Variants in MCUR1 observed in about 807,000 individuals in gnomAD.
The protein encoded by MCUR1 is mitochondrial calcium uniporter regulator 1, also known as MCU regulator 1.
Under a neutral mutation model 42.0 loss-of-function variants are expected in MCUR1, and 37 were observed. The ratio of observed to expected loss-of-function variants is 0.88; its 90% CI spans 0.68 to 1.16. The LOEUF (loss-of-function observed/expected upper bound fraction) is 1.16, where lower values mean the gene tolerates loss of function less well. Ranked by LOEUF, MCUR1 falls within the 50% of genes most tolerant of loss-of-function variation. MCUR1 has a pLI of 0.00. For missense variants in MCUR1, 469 were observed against 468.4 expected, an observed-to-expected ratio of 1.00 and a Z score of -0.01; for synonymous variants, 229 against 196.2, an observed-to-expected ratio of 1.17 and a Z score of -1.40.
rs142130238 is a variant in MCUR1, at chr6:13,789,379, G to T, written c.*1430C>A. On this transcript the variant is annotated 3_prime_UTR_variant, in exon 9 of 9. Transcript: ENST00000379170. ...TCACGACAATGCACTCCAGCCCTGC[G>T]ACAGTGCGAGACTCCGTCTCAAAAA... 3.3e-5 allele frequency: 5 copies of T among 150,548 alleles called. No individual in the cohort carries two copies. The highest frequency in any genetic ancestry group is 1.2e-4 in the African/African-American group (5 of 40,796). The allele number at this position is 150,548 out of a possible 1,614,324, so 9.3% of individuals were successfully genotyped here.
At chr6:13,793,772 G>T in intron 7 of MCUR1, 122 bp downstream of exon 7, 1 of 802,268 alleles carries the variant, frequency 1.2e-6, no homozygotes, top group Non-Finnish European at 2.1e-6. Context: ...TTAGCACAAT[G>T]TAAAAAATTC....
intron 7 of MCUR1, among the ~76,000 whole-genome samples, chr6:13,793,030 T>TC (rs1471569624): frequency 6.7e-6 from 1 of 148,574 alleles, no homozygotes; most frequent in Non-Finnish European, 1.5e-5. Context: ...GAGCCTGTGG[T>TC]CCCAGCTACT....
intron 1 of MCUR1, among the ~76,000 whole-genome samples, chr6:13,811,871 T>C (rs1760242992): frequency 6.6e-6 from 1 of 152,122 alleles, no homozygotes; most frequent in South Asian, 2.1e-4. Context: ...TTTTTTGTTA[T>C]TGTTGTTCTT....
In MCUR1 at chr6:13,813,321, A is replaced by G. The variant is rs1760278962; in HGVS notation, c.415+694T>C. 2.0e-5 allele frequency among the ~76,000 whole-genome samples: 3 copies of G among 152,178 alleles called. No homozygotes were observed. The South Asian group carries it at 6.2e-4, about 31-fold the overall frequency. On this transcript the variant is annotated intron_variant, in intron 1 of 8. Coordinates refer to ENST00000379170, the MANE Select transcript of MCUR1 (RefSeq NM_001031713.4). ...GATTCTGATCACCCTATTTAAATTC[A>G]CAACTGGAGACCCATTCCACTTCCC...
At chr6:13,801,417 T>G (rs1231866517) in intron 3 of MCUR1, 28 bp from the exon 4 acceptor site, 1 of 1,506,592 alleles carries the variant, frequency 6.6e-7, no homozygotes, top group Non-Finnish European at 9.2e-7. Flanking sequence ...AAACACATAA[T>G]CTAGTCTACC....
At chr6:13,796,731 C>T (rs574407349) in intron 6 of MCUR1, among the ~76,000 whole-genome samples, 1 of 152,074 alleles carries the variant, frequency 6.6e-6, no homozygotes. Context: ...ATATATCAGC[C>T]TAGTTATGTT....
intron 7 of MCUR1, among the ~76,000 whole-genome samples, chr6:13,792,418 C>T (rs1446108970): frequency 2.6e-5 from 4 of 152,146 alleles, no homozygotes; most frequent in African/African-American, 4.8e-5. Flanking sequence ...AGACAGTAAA[C>T]TCAAAAATGT....
chr6:13,794,643 T>TA (rs1330914211), intron 6 of MCUR1, among the ~76,000 whole-genome samples: 1 of 151,764 alleles, frequency 6.6e-6, no homozygotes, highest in African/African-American at 2.4e-5. Flanking sequence ...GTTGGGTTTT[T>TA]TTTTTTTTGG....
chr6:13,798,049 C>G (rs1759896320), intron 6 of MCUR1, among the ~76,000 whole-genome samples: 1 of 151,914 alleles, frequency 6.6e-6, no homozygotes, highest in African/African-American at 2.4e-5. Context: ...GAAAACAAAA[C>G]AAAATACCCT....
rs1202983128 is a variant in MCUR1 at position 13,798,857 on chromosome 6, T to C, written c.831A>G (p.Leu277=). ...VRTDTKLDFN[L]EKSRVKELYS... is the part of the protein sequence containing the mutation. ...CCAATTCTTTTACTCTGCTCTTTTC[T>C]AGGTTGAAGTCTAATTTGGTATCTG... Residue 277 remains leucine, a synonymous_variant, in exon 6 of 9, where the codon CTA becomes CTG. Coordinates refer to ENST00000379170, the MANE Select transcript of MCUR1 (RefSeq NM_001031713.4). The C allele has an allele frequency of 3.6e-5, 58 of 1,611,340 alleles. No individual in the cohort carries two copies. The East Asian group carries it at 1.3e-3, about 35-fold the overall frequency.
intron 1 of MCUR1, among the ~76,000 whole-genome samples, chr6:13,813,479 T>C (rs1760283683): frequency 6.6e-6 from 1 of 152,174 alleles, no homozygotes; most frequent in Admixed American, 6.5e-5. Context: ...TCTGCTCTGC[T>C]AGAATTAAGC....
chr6:13,798,380 G>T (rs972662869), intron 6 of MCUR1, among the ~76,000 whole-genome samples: 2 of 152,078 alleles, frequency 1.3e-5, no homozygotes, highest in Non-Finnish European at 2.9e-5. Flanking sequence ...GATTACAGGC[G>T]TGAGCTACCG....
chr6:13,801,573 G>A (rs1038130716), intron 3 of MCUR1, among the ~76,000 whole-genome samples, 184 bp from the exon 4 acceptor site: 1 of 152,144 alleles, frequency 6.6e-6, no homozygotes, highest in African/African-American at 2.4e-5. Context: ...TATCTGGCCA[G>A]GCAAGGTGGC....
chr6:13,801,350 C>T lies in MCUR1; in HGVS notation c.679G>A (p.Val227Met). ...TCCAAAATAATCATATCCTTTTTCA[C>T]ATTCGCAATCTGAGACATTACTTGC... ...FQQVMSQIANVKKDMIILEKS... is the reference protein window; with the variant it reads ...FQQVMSQIANMKKDMIILEKS... Residue 227 changes from valine to methionine, a missense_variant, in exon 4 of 9, where the codon GTG becomes ATG. Physicochemically the swap from Val to Met is conservative, Grantham distance 21. Transcript: ENST00000379170. 1 of 1,612,812 alleles carries T rather than the reference C, an allele frequency of 6.2e-7. No individual in the cohort carries two copies. The highest frequency in any genetic ancestry group is 2.2e-5 in the East Asian group (1 of 44,862).
intron 8 of MCUR1, 50 bp downstream of exon 8, chr6:13,791,828 T>C: frequency 2.3e-6 from 3 of 1,295,416 alleles, no homozygotes; most frequent in Non-Finnish European, 3.3e-6. Flanking sequence ...ACTTATTTTA[T>C]AAATTTATTT....
intron 7 of MCUR1, among the ~76,000 whole-genome samples, 182 bp from the exon 8 acceptor site, chr6:13,792,174 C>G (rs555493043): frequency 6.8e-4 from 103 of 152,306 alleles, no homozygotes; most frequent in African/African-American, 2.3e-3. Flanking sequence ...CCCTTAACCT[C>G]TCTAGGCCTT....
chr6:13,805,204 C>T (rs1314975675), intron 2 of MCUR1, among the ~76,000 whole-genome samples: 2 of 151,294 alleles, frequency 1.3e-5, no homozygotes, highest in Non-Finnish European at 2.9e-5. Context: ...GTTGCACAGA[C>T]TGGTCTTGAA....
Position 13,800,366 on chromosome 6 carries a change from A to G in MCUR1, c.758T>C (p.Leu253Pro). The change falls in exon 5 of 9, where the codon CTA (leucine) becomes CCA (proline). Residue 253 changes from leucine (L) to proline (P), a missense_variant. Physicochemically the swap from Leu to Pro is moderately conservative, Grantham distance 98. Coordinates refer to ENST00000379170, the MANE Select transcript of MCUR1 (RefSeq NM_001031713.4). ...RAENEKIKLE[L>P]HQLKQQVMDE... ...CATTACTTGTTGTTTTAACTGATGTAGTTCGAGTTTTATTTTCTAAAAACA... is the reference window on the plus strand; with the variant it reads ...CATTACTTGTTGTTTTAACTGATGTGGTTCGAGTTTTATTTTCTAAAAACA... 6.4e-7 allele frequency: 1 copy of G among 1,571,254 alleles called. No homozygotes were observed. The highest frequency in any genetic ancestry group is 2.3e-5 in the East Asian group (1 of 44,244).
At chr6:13,796,988 T>C (rs1361119863) in intron 6 of MCUR1, among the ~76,000 whole-genome samples, 4 of 152,318 alleles carry the variant, frequency 2.6e-5, no homozygotes, top group Admixed American at 1.3e-4. Context: ...TTAGTAACAC[T>C]AGGTGATTTA....
Sources: gnomAD v4.1 joint callset for allele counts (sites outside exome capture counted in the v4.1 genomes callset) on GRCh38, gnomAD v4.1.1 for gene constraint, MANE v1.5 for transcripts, NCBI Gene and HGNC (gene_info 2026-07-23, HGNC 2026-07-21) for gene names.